GALNTL6: variants seen among roughly 807,000 people sequenced by gnomAD.
The protein encoded by GALNTL6 is polypeptide N-acetylgalactosaminyltransferase-like 6.
Under a neutral mutation model 73.7 loss-of-function variants are expected in GALNTL6, and 46 were observed. The observed-to-expected ratio is 0.62, with a 90% confidence interval of 0.49 to 0.80. GALNTL6 has a LOEUF of 0.80. Ranked by LOEUF, GALNTL6 falls within the 30% of genes least tolerant of loss-of-function variation. The pLI, the probability that GALNTL6 is intolerant of heterozygous loss-of-function variation, is 0.00. For missense variants in GALNTL6, 604 were observed against 755.0 expected, an observed-to-expected ratio of 0.80 and a Z score of 2.34; for synonymous variants, 259 against 263.7, an observed-to-expected ratio of 0.98 and a Z score of 0.17.
intron 2 of GALNTL6, among the ~76,000 whole-genome samples, chr4:171,846,591 C>G (rs1430826041): frequency 6.6e-6 from 1 of 151,586 alleles, no homozygotes; most frequent in East Asian, 1.9e-4. Flanking sequence ...ACTCTTGTGA[C>G]ATAAAGAAAA....
At chr4:171,984,919 G>A (rs1369807520) in intron 2 of GALNTL6, among the ~76,000 whole-genome samples, 4 of 151,658 alleles carry the variant, frequency 2.6e-5, no homozygotes, top group Admixed American at 6.6e-5. Flanking sequence ...TTGGGAGGTC[G>A]AGGCAGGTAG....
chr4:172,164,302 C>T (rs1734557250), intron 2 of GALNTL6, among the ~76,000 whole-genome samples: 1 of 151,938 alleles, frequency 6.6e-6, no homozygotes, highest in African/African-American at 2.4e-5. Context: ...ATGTTCCCAT[C>T]TCTAAAATTA....
chr4:171,922,251 C>T (rs182231399), intron 2 of GALNTL6, among the ~76,000 whole-genome samples: 1 of 152,136 alleles, frequency 6.6e-6, no homozygotes, highest in Non-Finnish European at 1.5e-5. Context: ...TAGGCTAATA[C>T]GCTGCCTTTC....
chr4:172,654,474 A>AT (rs1273926234), intron 5 of GALNTL6, among the ~76,000 whole-genome samples: 2 of 152,162 alleles, frequency 1.3e-5, no homozygotes, highest in South Asian at 2.1e-4. Flanking sequence ...TTACTAGAGT[A>AT]TTTTTTTCAT....
At position 172,306,183 on chromosome 4, in the gene GALNTL6, G is replaced by T. The variant is rs1346898868; in HGVS notation, c.248-5431G>T. Among the ~76,000 whole-genome samples, 3 of 152,130 alleles carry T rather than the reference G, an allele frequency of 2.0e-5. No individual in the cohort carries two copies. The East Asian group carries it at 5.8e-4, about 29-fold the overall frequency. The stretch of plus-strand genomic sequence containing the variant: ...CTGGGAAAGTAACCTGAGGCCAGAA[G>T]TTCGAGACCAACCTGGCTAACATGG... On this transcript the variant is annotated intron_variant, in intron 3 of 12. Transcript: ENST00000506823.
At chr4:172,129,573 T>C (rs1161876514) in intron 2 of GALNTL6, among the ~76,000 whole-genome samples, 1 of 152,186 alleles carries the variant, frequency 6.6e-6, no homozygotes, top group Non-Finnish European at 1.5e-5. Flanking sequence ...AGCCAAATCA[T>C]TTACAGATGC....
intron 5 of GALNTL6, among the ~76,000 whole-genome samples, chr4:172,793,563 A>C (rs1740110237): frequency 6.6e-6 from 1 of 152,210 alleles, no homozygotes; most frequent in Admixed American, 6.5e-5. Context: ...GGGAAAATAT[A>C]TATCTTTGCT....
At chr4:172,038,611 A>C (rs1560895781) in intron 2 of GALNTL6, among the ~76,000 whole-genome samples, 1 of 152,310 alleles carries the variant, frequency 6.6e-6, no homozygotes, top group East Asian at 1.9e-4. Flanking sequence ...ATAGATATGC[A>C]TCACGATCCG....
At chr4:172,047,274 G>A (rs1344260782) in intron 2 of GALNTL6, among the ~76,000 whole-genome samples, 1 of 152,090 alleles carries the variant, frequency 6.6e-6, no homozygotes, top group African/African-American at 2.4e-5. Flanking sequence ...CTTTCTATTA[G>A]TTGAAACAGA....
intron 5 of GALNTL6, among the ~76,000 whole-genome samples, chr4:172,394,831 C>A (rs1435404258): frequency 6.6e-6 from 1 of 152,080 alleles, no homozygotes; most frequent in Non-Finnish European, 1.5e-5. Flanking sequence ...TAACAGAGAA[C>A]CCTTGTTTAT....
At chr4:172,216,315 A>G (rs1302955128) in intron 2 of GALNTL6, among the ~76,000 whole-genome samples, 1 of 151,756 alleles carries the variant, frequency 6.6e-6, no homozygotes, top group African/African-American at 2.4e-5. Flanking sequence ...ATAGAATTCT[A>G]TTAACAGTGT....
intron 2 of GALNTL6, among the ~76,000 whole-genome samples, chr4:172,042,886 A>AAAAAAAAAAAAAT: frequency 6.6e-6 from 1 of 150,664 alleles, no homozygotes; most frequent in Non-Finnish European, 1.5e-5. Flanking sequence ...AAAAAAAAAA[A>AAAAAAAAAAAAAT]AAAAAGGTAA....
chr4:172,169,366 C>G (rs1193236354), intron 2 of GALNTL6, among the ~76,000 whole-genome samples: 1 of 152,162 alleles, frequency 6.6e-6, no homozygotes, highest in African/African-American at 2.4e-5. Context: ...CTTCTAAGGT[C>G]TCTTTCATTT....
At chr4:172,890,574 A>AT (rs1367245590) in intron 8 of GALNTL6, among the ~76,000 whole-genome samples, 1 of 151,966 alleles carries the variant, frequency 6.6e-6, no homozygotes, top group Non-Finnish European at 1.5e-5. Context: ...CATGAATTTG[A>AT]TTTTTTTGAA....
intron 2 of GALNTL6, among the ~76,000 whole-genome samples, chr4:172,122,529 C>A (rs752210656): frequency 1.8e-4 from 28 of 152,120 alleles, no homozygotes; most frequent in Non-Finnish European, 3.1e-4. Flanking sequence ...CAGTACAGAC[C>A]AGTTCCCATT....
chr4:172,015,923 A>ATTTTTTTTTTTTTTTTTTTTTTTTTTTTT (rs70941375), intron 2 of GALNTL6, among the ~76,000 whole-genome samples: 1 of 44,052 alleles, frequency 2.3e-5, no homozygotes, highest in Non-Finnish European at 4.2e-5. Flanking sequence ...ATCTAATAGG[A>ATTTTTTTTTTTTTTTTTTTTTTTTTTTTT]TTTTTTTTTT....
intron 12 of GALNTL6, among the ~76,000 whole-genome samples, chr4:173,025,797 A>G (rs1300308231): frequency 6.6e-6 from 1 of 152,180 alleles, no homozygotes; most frequent in East Asian, 1.9e-4. Flanking sequence ...TCATCCTGAA[A>G]TTGTAAGGGG....
intron 5 of GALNTL6, among the ~76,000 whole-genome samples, chr4:172,532,154 C>T (rs1324287482): frequency 6.6e-6 from 1 of 152,072 alleles, no homozygotes; most frequent in Non-Finnish European, 1.5e-5. Context: ...AGTCCAAACA[C>T]CCAGTACTCG....
chr4:173,016,315 G>A (rs1445161913), intron 11 of GALNTL6, among the ~76,000 whole-genome samples: 1 of 152,170 alleles, frequency 6.6e-6, no homozygotes, highest in East Asian at 1.9e-4. Context: ...CCAGACCCCA[G>A]TATGGTAGAC....
Sources: gnomAD v4.1 joint callset for allele counts (sites outside exome capture counted in the v4.1 genomes callset) on GRCh38, gnomAD v4.1.1 for gene constraint, MANE v1.5 for transcripts, NCBI Gene and HGNC (gene_info 2026-07-23, HGNC 2026-07-21) for gene names.